Variants in VPS13C observed in about 807,000 individuals in gnomAD.
VPS13C encodes the protein intermembrane lipid transfer protein VPS13C.
A neutral mutation model predicts 456.8 loss-of-function variants in VPS13C; 358 were observed. The observed-to-expected ratio is 0.78, with a 90% confidence interval of 0.72 to 0.86. VPS13C has a LOEUF of 0.86. Ranked by LOEUF, VPS13C falls within the 40% of genes least tolerant of loss-of-function variation. VPS13C has a pLI of 0.00. For synonymous variants in VPS13C, 1,578 were observed against 1,486.7 expected (o/e 1.06, Z -1.41); for missense variants, 4,818 against 4,385.4 (o/e 1.10, Z -2.79).
At chr15:61,881,932 G>T in intron 69 of VPS13C, 104 bp from the exon 70 acceptor site, 1 of 1,013,408 alleles carries the variant, frequency 9.9e-7, no homozygotes, top group Non-Finnish European at 1.4e-6. Flanking sequence ...ATAATTAAGT[G>T]TCTGCGTGTA....
chr15:61,995,591 G>T (rs2046357640), intron 16 of VPS13C, among the ~76,000 whole-genome samples: 1 of 152,130 alleles, frequency 6.6e-6, no homozygotes, highest in Non-Finnish European at 1.5e-5. Context: ...TGTTATGGTT[G>T]TCTATGTTGG....
intron 12 of VPS13C, among the ~76,000 whole-genome samples, chr15:62,011,219 T>G (rs1166841405): frequency 6.6e-6 from 1 of 152,052 alleles, no homozygotes; most frequent in Non-Finnish European, 1.5e-5. Context: ...TATCAAACTA[T>G]AAAAACTGTG....
chr15:62,054,057 T>A (rs553163573), intron 1 of VPS13C, among the ~76,000 whole-genome samples: 171 of 152,270 alleles, frequency 1.1e-3, no homozygotes, highest in African/African-American at 4.0e-3. Flanking sequence ...TTTTGAAAAA[T>A]CAAATTGACA....
chr15:61,885,904 T>C (rs1293397648), intron 67 of VPS13C, among the ~76,000 whole-genome samples: 1 of 152,136 alleles, frequency 6.6e-6, no homozygotes, highest in Admixed American at 6.6e-5. Flanking sequence ...ACTTCTCAAA[T>C]ATATAACTGA....
At chr15:61,942,526 G>T (rs985773567) in intron 45 of VPS13C, among the ~76,000 whole-genome samples, 1 of 150,156 alleles carries the variant, frequency 6.7e-6, no homozygotes, top group Non-Finnish European at 1.5e-5. Flanking sequence ...AGCTTCTGCC[G>T]GCTTATTTCT....
intron 60 of VPS13C, among the ~76,000 whole-genome samples, 162 bp downstream of exon 60, chr15:61,917,179 T>A (rs968320577): frequency 2.0e-5 from 3 of 152,188 alleles, no homozygotes; most frequent in African/African-American, 7.2e-5. Flanking sequence ...TCCTGGCACA[T>A]AGTAAATGTT....
intron 6 of VPS13C, among the ~76,000 whole-genome samples, chr15:62,027,412 A>C: frequency 6.6e-6 from 1 of 152,134 alleles, no homozygotes. Flanking sequence ...TAAACAAAGT[A>C]ACTATAAGAC....
chr15:61,999,199 T>C (rs1249145968), intron 16 of VPS13C, among the ~76,000 whole-genome samples: 2 of 152,018 alleles, frequency 1.3e-5, no homozygotes, highest in African/African-American at 4.8e-5. Flanking sequence ...GCCAATGTGG[T>C]GAAACCCCAT....
At chr15:62,017,667 C>A (rs1467613028) in intron 9 of VPS13C, among the ~76,000 whole-genome samples, 7 of 152,248 alleles carry the variant, frequency 4.6e-5, no homozygotes, top group Middle Eastern at 3.4e-3. Flanking sequence ...GTACCAGTAC[C>A]ATGCTGTTTT....
chr15:62,060,193 G>T, intron 1 of VPS13C, 82 bp downstream of exon 1: 2 of 741,138 alleles, frequency 2.7e-6, no homozygotes, highest in Non-Finnish European at 4.4e-6. Flanking sequence ...CAGGGAGCAG[G>T]GCCCGGGCAG....
intron 58 of VPS13C, 100 bp from the exon 59 acceptor site, chr15:61,918,357 A>G (rs1845549282): frequency 8.7e-7 from 1 of 1,143,902 alleles, no homozygotes; most frequent in Non-Finnish European, 1.2e-6. Context: ...AAAAATTTCA[A>G]ACTCAGTATT....
chr15:61,944,338 G>A (rs1046098990), intron 45 of VPS13C, among the ~76,000 whole-genome samples: 2 of 152,096 alleles, frequency 1.3e-5, no homozygotes, highest in Admixed American at 6.6e-5. Context: ...ACACTCACGT[G>A]TTCTTCAGAG....
chr15:61,929,418 A>T, intron 51 of VPS13C, 83 bp downstream of exon 51: 1 of 1,508,752 alleles, frequency 6.6e-7, no homozygotes, highest in East Asian at 2.3e-5. Context: ...TACGTTCTTA[A>T]ATTTTTCATT....
At chr15:61,916,850 T>A (rs1319129982) in intron 60 of VPS13C, among the ~76,000 whole-genome samples, 1 of 152,220 alleles carries the variant, frequency 6.6e-6, no homozygotes, top group African/African-American at 2.4e-5. Flanking sequence ...ATATTGACTT[T>A]AAAATAAAAA....
rs1378181838 is a variant in VPS13C, at chr15:61,964,817, A to T, written c.3096T>A (p.Leu1032=). The T allele has an allele frequency of 6.2e-7, 1 of 1,611,252 alleles. No individual in the cohort carries two copies. Among genetic ancestry groups the T allele is most frequent in the Admixed American group, 1.7e-5 (1 of 59,532 alleles). The change falls in exon 31 of 85, where the codon CTT becomes CTA. Residue 1032 remains leucine (L), a synonymous_variant. Coordinates refer to ENST00000644861, the MANE Select transcript of VPS13C (RefSeq NM_020821.3). ...SLNLLLQTQA[L]VASINYLTTI... ...TTGTGAGGTAATTAATAGAAGCGAC[A>T]AGAGCTTGTGTTTGCAGCAACAGAT...
rs531918837 is a variant in VPS13C at position 61,896,455 on chromosome 15, G to A, written c.9106-6055C>T. ...CTCACTCGGGAAGCGCAAGGGGTCA[G>A]GGAGTTCCCTTTCCTACTCAAAGAA... On this transcript the variant is annotated intron_variant, in intron 66 of 84. Coordinates refer to ENST00000644861, the MANE Select transcript of VPS13C (RefSeq NM_020821.3). 1.2e-4 allele frequency among the ~76,000 whole-genome samples: 19 copies of A among 152,340 alleles called. No individual in the cohort carries two copies. The South Asian group carries it at 2.9e-3, about 23-fold the overall frequency.
At chr15:61,892,090 C>T (rs1450588728) in intron 66 of VPS13C, among the ~76,000 whole-genome samples, 2 of 152,238 alleles carry the variant, frequency 1.3e-5, no homozygotes, top group African/African-American at 4.8e-5. Flanking sequence ...CTTGGGCTCC[C>T]TTGCAGGAAA....
At chr15:61,996,868 TACAC>T (rs35800911) in intron 16 of VPS13C, among the ~76,000 whole-genome samples, 13,620 of 143,696 alleles carry the variant, frequency 0.095, 1,008 homozygotes, top group East Asian at 0.2. Flanking sequence ...AAGGTCTAAA[TACAC>T]ACACACACAC....
chr15:62,026,490 A>C (rs982943723), intron 6 of VPS13C, among the ~76,000 whole-genome samples: 2 of 152,078 alleles, frequency 1.3e-5, no homozygotes, highest in African/African-American at 2.4e-5. Flanking sequence ...AATTCTACTC[A>C]AGAGCTCAAA....
Sources: gnomAD v4.1 joint callset for allele counts (sites outside exome capture counted in the v4.1 genomes callset) on GRCh38, gnomAD v4.1.1 for gene constraint, MANE v1.5 for transcripts, NCBI Gene and HGNC (gene_info 2026-07-23, HGNC 2026-07-21) for gene names.